The following ABL2 variants were observed in gnomAD, a reference collection of about 807,000 sequenced individuals.
ABL2 encodes the protein tyrosine-protein kinase ABL2.
Under a neutral mutation model 107.7 loss-of-function variants are expected in ABL2, and 49 were observed. That is an observed-to-expected ratio of 0.45 (90% CI 0.36 to 0.58). The LOEUF (loss-of-function observed/expected upper bound fraction) is 0.58, where lower values mean the gene tolerates loss of function less well. ABL2 is among the 20% of genes least tolerant of loss of function. ABL2 has a pLI of 0.00. For synonymous variants in ABL2, 549 were observed against 548.6 expected, an observed-to-expected ratio of 1.00 and a Z score of -0.01; for missense variants, 1,245 against 1,457.0, an observed-to-expected ratio of 0.85 and a Z score of 2.37.
In ABL2 at chr1:179,108,078, T is replaced by C. The variant is rs574044037; in HGVS notation, c.3189A>G (p.Ala1063=). ...ISPAKMANGT[A]GTKVALRKTK... ...TTTTTCTCAGAGCCACTTTAGTACC[T>C]GCTGTGCCATTGGCCATTTTGGCTG... is the stretch of plus-strand genomic sequence containing the variant. Residue 1063 remains alanine, a synonymous_variant, in exon 12 of 12, where the codon GCA becomes GCG. Transcript: ENST00000502732. The C allele has an allele frequency of 6.2e-7, 1 of 1,614,242 alleles. No individual in the cohort carries two copies. Among genetic ancestry groups the C allele is most frequent in the Non-Finnish European group, 8.5e-7 (1 of 1,180,044 alleles).
At chr1:179,187,138 G>C (rs1660722927) in intron 1 of ABL2, among the ~76,000 whole-genome samples, 1 of 151,868 alleles carries the variant, frequency 6.6e-6, no homozygotes, top group Admixed American at 6.6e-5. Flanking sequence ...TTTCATTTTT[G>C]ACTCAAGGGC....
chr1:179,173,351 G>A (rs377662927), intron 1 of ABL2, among the ~76,000 whole-genome samples: 20 of 148,368 alleles, frequency 1.3e-4, no homozygotes, highest in African/African-American at 4.2e-4. Context: ...AAGTTAGAAA[G>A]GCTGTAATTT....
chr1:179,159,458 T>C (rs761475117), intron 1 of ABL2, among the ~76,000 whole-genome samples: 17 of 152,324 alleles, frequency 1.1e-4, no homozygotes, highest in Non-Finnish European at 2.4e-4. Flanking sequence ...CTGTTTATGA[T>C]GGGATTTCTG....
At chr1:179,141,718 C>G (rs1298214629) in intron 1 of ABL2, among the ~76,000 whole-genome samples, 1 of 152,174 alleles carries the variant, frequency 6.6e-6, no homozygotes, top group East Asian at 1.9e-4. Flanking sequence ...TCCCACTCCT[C>G]TTTTGTTCTC....
intron 1 of ABL2, chr1:179,142,861 T>C (rs1022979200): frequency 7.1e-6 from 11 of 1,540,948 alleles, no homozygotes; most frequent in Non-Finnish European, 9.7e-6. Flanking sequence ...AGATGAATTT[T>C]TTGAAATCTT....
chr1:179,117,128 C>A (rs561661486), intron 8 of ABL2: 2 of 599,320 alleles, frequency 3.3e-6, no homozygotes, highest in Non-Finnish European at 2.9e-6. Context: ...AGCCACCACA[C>A]CAGGCCTATA....
chr1:179,172,198 T>C (rs1659763005), intron 1 of ABL2, among the ~76,000 whole-genome samples: 1 of 152,210 alleles, frequency 6.6e-6, no homozygotes, highest in African/African-American at 2.4e-5. Context: ...GAAAAGGAAA[T>C]TCCTTATTAG....
intron 1 of ABL2, among the ~76,000 whole-genome samples, chr1:179,136,706 T>TAAAAAATA (rs1553222216): frequency 1.5e-5 from 1 of 65,158 alleles, no homozygotes; most frequent in Non-Finnish European, 3.6e-5. Flanking sequence ...GAATGATCAA[T>TAAAAAATA]AAAAAATAAA....
In ABL2 at chr1:179,109,410, T is replaced by C; in HGVS notation, c.1857A>G (p.Gly619=). 1 of 1,613,824 alleles carries C rather than the reference T, an allele frequency of 6.2e-7. No individual in the cohort carries two copies. The highest frequency in any genetic ancestry group is 8.5e-7 in the Non-Finnish European group (1 of 1,179,924). The change falls in exon 12 of 12, where the codon GGA becomes GGG. Residue 619 remains glycine, a synonymous_variant. Coordinates refer to ENST00000502732, the MANE Select transcript of ABL2 (RefSeq NM_007314.4). ...TTTGCTTTCGAGGCAGTGCTGGGGA[T>C]CCACTAGAGGCCTGTGCACCTCTGA... ...GFIRGAQASS[G]SPALPRKQRD... is the part of the protein sequence containing the mutation.
At chr1:179,175,802 A>C (rs1660003029) in intron 1 of ABL2, among the ~76,000 whole-genome samples, 1 of 151,994 alleles carries the variant, frequency 6.6e-6, no homozygotes, top group Admixed American at 6.6e-5. Context: ...GCAAATTAAC[A>C]AAGAAGACTG....
At chr1:179,145,284 C>G (rs1271608204) in intron 1 of ABL2, among the ~76,000 whole-genome samples, 1 of 151,930 alleles carries the variant, frequency 6.6e-6, no homozygotes, top group African/African-American at 2.4e-5. Context: ...TGTACATCTA[C>G]GAATAGTTAA....
At chr1:179,113,676 C>T (rs61821667) in intron 9 of ABL2, among the ~76,000 whole-genome samples, 139 of 152,254 alleles carry the variant, frequency 9.1e-4, no homozygotes, top group Middle Eastern at 3.4e-3. Context: ...AGCCTGTAAT[C>T]CCAGCACTTT....
intron 1 of ABL2, among the ~76,000 whole-genome samples, chr1:179,195,515 A>G (rs1319840489): frequency 6.6e-6 from 1 of 152,130 alleles, no homozygotes; most frequent in African/African-American, 2.4e-5. Context: ...TGATCCAACA[A>G]TTTCACTTCT....
chr1:179,126,758 A>C lies in ABL2; in HGVS notation c.392-86T>G. 3.1e-5 allele frequency: 38 copies of C among 1,232,790 alleles called. No individual in the cohort carries two copies. Among genetic ancestry groups the C allele is most frequent in the African/African-American group, 6.1e-5 (4 of 65,704 alleles). The allele number at this position is 1,232,790 out of a possible 1,614,324, so 76.4% of individuals were successfully genotyped here. ...CAGTGTACTGTCAAACTTTAAACTCATTAAAAAAAAAAAAGAATCTAGAAC... is the reference window on the plus strand; with the variant it reads ...CAGTGTACTGTCAAACTTTAAACTCCTTAAAAAAAAAAAAGAATCTAGAAC... On this transcript the variant is annotated intron_variant, in intron 3 of 11. Transcript: ENST00000502732. This position sits in a 1 kb window ranked among gnomAD's most constrained non-coding sequence, Gnocchi z 4.4.
intron 1 of ABL2, among the ~76,000 whole-genome samples, chr1:179,176,223 G>A (rs896619370): frequency 1.3e-5 from 2 of 152,026 alleles, no homozygotes; most frequent in African/African-American, 4.8e-5. Context: ...GGAGGGTGGG[G>A]ATGGTTAATG....
chr1:179,215,152 T>A (rs1662491683), intron 1 of ABL2, among the ~76,000 whole-genome samples: 1 of 149,154 alleles, frequency 6.7e-6, no homozygotes, highest in Non-Finnish European at 1.5e-5. Context: ...AGAATAAGAC[T>A]CAGTCTCCAA....
chr1:179,165,826 G>A (rs571839498), intron 1 of ABL2, among the ~76,000 whole-genome samples: 5 of 149,960 alleles, frequency 3.3e-5, no homozygotes, highest in South Asian at 2.1e-4. Flanking sequence ...ACGGAGTTTC[G>A]CTCTTGTTGC....
chr1:179,174,857 T>G (rs1292330786), intron 1 of ABL2, among the ~76,000 whole-genome samples: 1 of 138,804 alleles, frequency 7.2e-6, no homozygotes, highest in Non-Finnish European at 1.5e-5. Context: ...ATCGTGCCAC[T>G]GCACTCCAGC....
intron 1 of ABL2, among the ~76,000 whole-genome samples, chr1:179,150,046 A>G (rs1658269572): frequency 6.6e-6 from 1 of 152,182 alleles, no homozygotes; most frequent in Admixed American, 6.5e-5. Flanking sequence ...AGCTTGGGCA[A>G]CATAGTGAGA....
Sources: gnomAD v4.1 joint callset for allele counts (sites outside exome capture counted in the v4.1 genomes callset) on GRCh38, gnomAD v4.1.1 for gene constraint, Gnocchi (gnomAD v3.1) non-coding constraint, MANE v1.5 for transcripts, NCBI Gene and HGNC (gene_info 2026-07-23, HGNC 2026-07-21) for gene names.